Variants in MED12 observed in about 807,000 individuals in gnomAD.
MED12 encodes mediator of RNA polymerase II transcription subunit 12.
Under a neutral mutation model 177.7 loss-of-function variants are expected in MED12, and 10 were observed. The observed-to-expected ratio is 0.06, with a 90% confidence interval of 0.03 to 0.10. The LOEUF is 0.10. Ranked by LOEUF, MED12 falls within the 10% of genes least tolerant of loss-of-function variation. The probability of loss-of-function intolerance (pLI) is 1.00; values close to 1 mark genes in which losing one functional copy is unlikely to be tolerated. For missense variants in MED12, 867 were observed against 1,780.8 expected (o/e 0.49, Z 9.23); for synonymous variants, 641 against 678.4 (o/e 0.94, Z 0.86).
rs1057522248 is a variant in MED12 at position 71,141,386 on chromosome X, C to T, written c.6408+16C>T. 3 of 1,167,832 alleles carry T rather than the reference C, an allele frequency of 2.6e-6. No homozygotes were observed. Among genetic ancestry groups the T allele is most frequent in the African/African-American group, 3.5e-5 (2 of 56,354 alleles). ...CCAGCCCCAGGTAGCTGCTGGACTA[C>T]AGCCCCAGGCTCAGGGACAGCTGCC... On this transcript the variant is annotated intron_variant, in intron 43 of 44. Coordinates refer to ENST00000374080, the MANE Select transcript of MED12 (RefSeq NM_005120.3).
In MED12 at chrX:71,134,863, C is replaced by T. The variant is rs778076528; in HGVS notation, c.4863+15C>T. On this transcript the variant is annotated intron_variant, in intron 35 of 44. Coordinates refer to ENST00000374080, the MANE Select transcript of MED12 (RefSeq NM_005120.3). Reference sequence around the variant, plus strand: ...AGAAGTTGCAGGTAAGCAGAGGAAGCGGGGGCAAGGTTTGCGGTTACTGGA... The same window carrying T: ...AGAAGTTGCAGGTAAGCAGAGGAAGTGGGGGCAAGGTTTGCGGTTACTGGA... 43 of 1,208,527 alleles carry T rather than the reference C, an allele frequency of 3.6e-5. No individual in the cohort carries two copies. In the Middle Eastern group the frequency reaches 7.2e-4, roughly 20 times the overall value.
chrX:71,140,852 C>T lies in MED12; in HGVS notation c.6262C>T (p.Leu2088=). The part of the protein sequence containing the change: ...HIRQQQQQQI[L]RQQQQQQQQQ... ...CCGGCAGCAGCAGCAGCAGCAGATC[C>T]TGCGGGTAAGGCACTGGGATTTCAT... Residue 2088 remains leucine, a synonymous_variant, in exon 42 of 45, where the codon CTG becomes TTG. Coordinates refer to ENST00000374080, the MANE Select transcript of MED12 (RefSeq NM_005120.3). 2 of 1,205,451 alleles carry T rather than the reference C, an allele frequency of 1.7e-6. No individual in the cohort carries two copies. Among genetic ancestry groups the T allele is most frequent in the South Asian group, 3.5e-5 (2 of 56,866 alleles).
intron 27 of MED12, 56 bp from the exon 28 acceptor site, chrX:71,129,979 C>G: frequency 8.4e-7 from 1 of 1,183,936 alleles, no homozygotes; most frequent in Non-Finnish European, 1.1e-6. Context: ...GCCCATCCCC[C>G]ATATTCCTAA....
chrX:71,125,857 C>G lies in MED12; in HGVS notation c.2422+144C>G, dbSNP rs1026876184. On this transcript the variant is annotated intron_variant, in intron 17 of 44. Coordinates refer to ENST00000374080, the MANE Select transcript of MED12 (RefSeq NM_005120.3). ...CTTCACTGTCCCCTTCCCTTCATTCCTCCCCCATCCCTTCCTTGACCCTCC... is the reference window on the plus strand; with the variant it reads ...CTTCACTGTCCCCTTCCCTTCATTCGTCCCCCATCCCTTCCTTGACCCTCC... The G allele has an allele frequency of 1.8e-5, 11 of 609,803 alleles. No individual in the cohort carries two copies. In the Admixed American group the frequency reaches 2.6e-4, roughly 14 times the overall value. 50.3% of individuals were successfully genotyped at this position (609,803 alleles called of 1,213,427 possible). A position where few individuals can be genotyped will look rare whatever the true frequency, so the allele number is the denominator to read the frequency against.
chrX:71,134,664 T>C, intron 34 of MED12, 49 bp from the exon 35 acceptor site: 1 of 1,206,158 alleles, frequency 8.3e-7, no homozygotes, highest in Non-Finnish European at 1.1e-6. Context: ...GGCCTTTTTC[T>C]ATCTTCACCT....
chrX:71,127,166 T>C (rs760990636), intron 20 of MED12, 34 bp downstream of exon 20: 2 of 1,191,039 alleles, frequency 1.7e-6, no homozygotes, highest in Non-Finnish European at 2.3e-6. Context: ...GAAACAAAGC[T>C]CTGGCGAATG....
intron 31 of MED12, 150 bp downstream of exon 31, chrX:71,132,688 C>G (rs1304356936): frequency 9.1e-6 from 8 of 876,481 alleles, no homozygotes; most frequent in Middle Eastern, 4.0e-4. Context: ...GAGGCTAGAT[C>G]TTAAGAGAGT....
At chrX:71,123,294 G>A (rs894514691) in intron 11 of MED12, 68 bp downstream of exon 11, 5 of 1,160,530 alleles carry the variant, frequency 4.3e-6, no homozygotes, top group Non-Finnish European at 5.9e-6. Flanking sequence ...TGGAGACCGA[G>A]AGATGGAGGT....
Position 71,128,108 on chromosome X carries a change from A to G in MED12, c.3197A>G (p.His1066Arg). 8.3e-7 allele frequency: 1 copy of G among 1,209,065 alleles called. No individual in the cohort carries two copies. The highest frequency in any genetic ancestry group is 1.1e-6 in the Non-Finnish European group (1 of 893,573). ...NALMHVCVGH[H>R]DPDRVNDIAI... ...CTTATGCACGTCTGTGTGGGGCACC[A>G]TGATCCCGATAGGTATGGGGTGTAC... Residue 1066 changes from histidine to arginine, a missense_variant, in exon 22 of 45, where the codon CAT becomes CGT. His to Arg is a conservative substitution (Grantham distance 29). Transcript: ENST00000374080.
chrX:71,122,443 G>T, intron 8 of MED12, 65 bp from the exon 9 acceptor site: 1 of 1,186,796 alleles, frequency 8.4e-7, no homozygotes, highest in Non-Finnish European at 1.1e-6. Context: ...TATTCTTCTA[G>T]CCTGGGGCTC....
At position 71,132,754 on chromosome X, in the gene MED12, T is replaced by C. The variant is rs1271723901; in HGVS notation, c.4416-91T>C. The C allele has an allele frequency of 2.1e-5, 17 of 795,604 alleles. No homozygotes were observed. In the South Asian group the frequency reaches 3.3e-4, roughly 15 times the overall value. 65.6% of individuals were successfully genotyped at this position (795,604 alleles called of 1,213,427 possible). Reference sequence around the variant, plus strand: ...CCAACCCACAGTCTCCCTTTTCTCCTCTCCTCTTCTCTCCTCTTCTCTTCT... The same window carrying C: ...CCAACCCACAGTCTCCCTTTTCTCCCCTCCTCTTCTCTCCTCTTCTCTTCT... On this transcript the variant is annotated intron_variant, in intron 31 of 44. Transcript: ENST00000374080.
In MED12 at chrX:71,121,022, C is replaced by G. The variant is rs1307031136; in HGVS notation, c.605C>G (p.Ala202Gly). 8.3e-6 allele frequency: 10 copies of G among 1,211,768 alleles called. No homozygotes were observed. The highest frequency in any genetic ancestry group is 3.0e-5 in the East Asian group (1 of 33,839). ...TTATGGGAGCAGTTACAGAAGATGG[C>G]TGAATACTACCGGCCAGGGCCTGCA... ...KYLWEQLQKM[A>G]EYYRPGPAGS... is the part of the protein sequence containing the mutation. The change falls in exon 5 of 45, where the codon GCT (alanine) becomes GGT (glycine). Residue 202 changes from alanine to glycine, a missense_variant. By Grantham distance (60) the Ala-to-Gly change is moderately conservative. This residue lies in a region of MED12 where 309 missense variants were observed against 556.3 expected (regional missense o/e 0.56). Transcript: ENST00000374080.
At chrX:71,122,093 C>A in intron 7 of MED12, 107 bp from the exon 8 acceptor site, 1 of 1,032,411 alleles carries the variant, frequency 9.7e-7, no homozygotes, top group Non-Finnish European at 1.4e-6. Flanking sequence ...CTTGGGGACC[C>A]AGTCAGAATA....
rs775947072 is a variant in MED12, at chrX:71,125,550, TC to T, written c.2371+58del. 206 of 1,190,618 alleles carry T rather than the reference TC, an allele frequency of 1.7e-4. 1 individual carries two copies. Among genetic ancestry groups the T allele is most frequent in the Non-Finnish European group, 2.1e-4 (186 of 879,020 alleles). Reference sequence around the variant, plus strand: ...CCCCAAAGAATGCCCTAGTCAGTCTTCCCTTCCCCAGTATAGGGAACTCCCC... The same window carrying T: ...CCCCAAAGAATGCCCTAGTCAGTCTTCCTTCCCCAGTATAGGGAACTCCCC... On this transcript the variant is annotated intron_variant, in intron 16 of 44. Coordinates refer to ENST00000374080, the MANE Select transcript of MED12 (RefSeq NM_005120.3).
chrX:71,129,930 C>A (rs2147807971), intron 27 of MED12, 75 bp downstream of exon 27: 1 of 1,178,483 alleles, frequency 8.5e-7, no homozygotes, highest in Non-Finnish European at 1.2e-6. Context: ...CATGATCACA[C>A]CAGCTCCCTA....
chrX:71,131,774 T>C (rs1456689571), intron 29 of MED12, among the ~76,000 whole-genome samples, 153 bp downstream of exon 29: 1 of 111,093 alleles, frequency 9.0e-6, no homozygotes, highest in African/African-American at 3.3e-5. Flanking sequence ...GTGGAGCTGA[T>C]GATAAGGGAA....
rs2147804798 is a variant in MED12 at position 71,129,142 on chromosome X, G to A, written c.3504G>A (p.Gly1168=). 1 of 1,210,405 alleles carries A rather than the reference G, an allele frequency of 8.3e-7. No individual in the cohort carries two copies. The highest frequency in any genetic ancestry group is 1.1e-6 in the Non-Finnish European group (1 of 894,548). Residue 1168 remains glycine (G), a synonymous_variant, in exon 25 of 45, where the codon GGG becomes GGA. Transcript: ENST00000374080. Reference sequence around the variant, plus strand: ...GTAGTGAACAGGACTCTGAGCCAGGGGCCCGGCTTACCTGCCGCATCCTCC... The same window carrying A: ...GTAGTGAACAGGACTCTGAGCCAGGAGCCCGGCTTACCTGCCGCATCCTCC... ...AACSEQDSEP[G]ARLTCRILLH...
intron 39 of MED12, 71 bp downstream of exon 39, chrX:71,137,454 G>A: frequency 4.3e-6 from 5 of 1,161,219 alleles, no homozygotes; most frequent in Non-Finnish European, 5.9e-6. Flanking sequence ...CAGGACGGAG[G>A]AGACACTTGG....
chrX:71,125,326 G>A (rs763686030), intron 15 of MED12, 25 bp from the exon 16 acceptor site: 2 of 1,208,222 alleles, frequency 1.7e-6, no homozygotes, highest in African/African-American at 1.8e-5. Flanking sequence ...CGGTGCTGGA[G>A]TCTGATGGTG....
Sources: gnomAD v4.1 joint callset for allele counts (sites outside exome capture counted in the v4.1 genomes callset) on GRCh38, gnomAD v4.1.1 for gene constraint, gnomAD v4.1.1 regional missense constraint, MANE v1.5 for transcripts, NCBI Gene and HGNC (gene_info 2026-07-23, HGNC 2026-07-21) for gene names.